The following GRAMD1B variants were observed in gnomAD, a reference collection of about 807,000 sequenced individuals.
The protein encoded by GRAMD1B is protein Aster-B.
In GRAMD1B, 37 loss-of-function variants were observed where a neutral mutation model predicts 99.7. That is an observed-to-expected ratio of 0.37 (90% CI 0.29 to 0.49). The LOEUF (loss-of-function observed/expected upper bound fraction) is 0.49, where lower values mean the gene tolerates loss of function less well. GRAMD1B is among the 20% of genes least tolerant of loss of function. GRAMD1B has a pLI of 0.98. For synonymous variants in GRAMD1B, 427 were observed against 387.6 expected (o/e 1.10, Z -1.19); for missense variants, 888 against 1,009.2 (o/e 0.88, Z 1.63).
In GRAMD1B at chr11:123,597,129, C is replaced by CTT. The variant is rs35382306; in HGVS notation, c.969+1108_969+1109dup. On this transcript the variant is annotated intron_variant, in intron 7 of 19. Transcript: ENST00000635736. ...AGGCCAATTCCAAAGAGTCCAACTC[C>CTT]TTTTTTTTTTTTTTTTTGAGATGGG... 8.0e-4 allele frequency among the ~76,000 whole-genome samples: 109 copies of CTT among 137,084 alleles called. 1 individual carries two copies. The East Asian group carries it at 0.016, about 21-fold the overall frequency. 89.9% of individuals were successfully genotyped at this position (137,084 alleles called of 152,430 possible). A position where few individuals can be genotyped will look rare whatever the true frequency, so the allele number is the denominator to read the frequency against.
chr11:123,359,092 GCTTC>G (rs1946051872), intron 1 of GRAMD1B, among the ~76,000 whole-genome samples: 1 of 152,074 alleles, frequency 6.6e-6, no homozygotes, highest in Non-Finnish European at 1.5e-5. Context: ...GGCGGAGCTG[GCTTC>G]CTTCTCCATT....
chr11:123,498,449 T>C (rs1565302081), intron 2 of GRAMD1B, among the ~76,000 whole-genome samples: 2 of 152,246 alleles, frequency 1.3e-5, no homozygotes, highest in Non-Finnish European at 2.9e-5. Flanking sequence ...ATTCAAGACT[T>C]TCTTTCCTGC....
At chr11:123,613,769 A>G (rs1005026167) in intron 16 of GRAMD1B, 111 bp downstream of exon 16, 1 of 730,712 alleles carries the variant, frequency 1.4e-6, no homozygotes, top group Non-Finnish European at 2.3e-6. Context: ...TATAATTTGT[A>G]TATAATTTGA....
At chr11:123,496,962 A>G (rs918880228) in intron 2 of GRAMD1B, among the ~76,000 whole-genome samples, 1 of 151,910 alleles carries the variant, frequency 6.6e-6, no homozygotes, top group East Asian at 1.9e-4. Flanking sequence ...TTGGTGCCTT[A>G]TTTAGTTTGT....
At chr11:123,447,278 A>T (rs1342504028) in intron 1 of GRAMD1B, among the ~76,000 whole-genome samples, 1 of 152,232 alleles carries the variant, frequency 6.6e-6, no homozygotes, top group Non-Finnish European at 1.5e-5. Context: ...TCATCCTGGT[A>T]GATGGGATTT....
chr11:123,458,233 C>T (rs1402419405), intron 1 of GRAMD1B: 1 of 152,248 alleles, frequency 6.6e-6, no homozygotes, highest in Non-Finnish European at 1.5e-5. Flanking sequence ...AGTCTGCAGG[C>T]CTCAGAACCA....
chr11:123,444,347 C>T (rs1040880583), intron 1 of GRAMD1B, among the ~76,000 whole-genome samples: 1 of 152,074 alleles, frequency 6.6e-6, no homozygotes, highest in African/African-American at 2.4e-5. Flanking sequence ...TCTGTTTTGG[C>T]CAGGCATGGT....
At chr11:123,466,712 T>C (rs1048257713) in intron 1 of GRAMD1B, among the ~76,000 whole-genome samples, 5 of 152,176 alleles carry the variant, frequency 3.3e-5, no homozygotes, top group Non-Finnish European at 5.9e-5. Flanking sequence ...GGAGGGAGGC[T>C]GGCCTTGAGG....
chr11:123,434,842 T>G (rs918838721), intron 1 of GRAMD1B, among the ~76,000 whole-genome samples: 1 of 152,218 alleles, frequency 6.6e-6, no homozygotes, highest in Non-Finnish European at 1.5e-5. Context: ...AACATTGGAC[T>G]TAATATCAGA....
In GRAMD1B at chr11:123,600,559, C is replaced by T. The variant is rs1951819619; in HGVS notation, c.1050+11C>T. On this transcript the variant is annotated intron_variant, in intron 8 of 19. Transcript: ENST00000635736. ...GCTCTCCTTGAAAAGGTAAGTACGG[C>T]CGAGTTTGCTTTTACTGTGGGACTG... is the stretch of plus-strand genomic sequence containing the variant. The T allele has an allele frequency of 1.3e-5, 21 of 1,590,198 alleles. No homozygotes were observed. The highest frequency in any genetic ancestry group is 1.8e-5 in the Non-Finnish European group (21 of 1,159,254).
intron 2 of GRAMD1B, among the ~76,000 whole-genome samples, chr11:123,498,429 G>A (rs751217075): frequency 1.3e-5 from 2 of 152,238 alleles, no homozygotes; most frequent in Non-Finnish European, 2.9e-5. Context: ...ACGGAGGGGA[G>A]GCGCTGGTGA....
chr11:123,526,970 T>C (rs1210990052), intron 2 of GRAMD1B, among the ~76,000 whole-genome samples: 1 of 152,228 alleles, frequency 6.6e-6, no homozygotes, highest in Non-Finnish European at 1.5e-5. Context: ...CAGATTTTGC[T>C]TGGAAAACTT....
intron 1 of GRAMD1B, among the ~76,000 whole-genome samples, chr11:123,395,003 G>T (rs886266377): frequency 6.6e-6 from 1 of 152,100 alleles, no homozygotes; most frequent in South Asian, 2.1e-4. Flanking sequence ...ACCTCTTAAG[G>T]TTCCCACTTT....
At chr11:123,579,160 G>C (rs1038802320) in intron 3 of GRAMD1B, among the ~76,000 whole-genome samples, 2 of 152,214 alleles carry the variant, frequency 1.3e-5, no homozygotes, top group African/African-American at 4.8e-5. Flanking sequence ...AGTCTTTCCC[G>C]GGAGCCCAGG....
At chr11:123,388,360 G>C (rs1329692881) in intron 1 of GRAMD1B, among the ~76,000 whole-genome samples, 1 of 151,822 alleles carries the variant, frequency 6.6e-6, no homozygotes, top group African/African-American at 2.4e-5. Context: ...ACATGAATGG[G>C]ATTAATTCCC....
intron 2 of GRAMD1B, among the ~76,000 whole-genome samples, chr11:123,525,348 C>T (rs1282974651): frequency 6.6e-6 from 1 of 152,160 alleles, no homozygotes; most frequent in Non-Finnish European, 1.5e-5. Context: ...ATGTCCCAGG[C>T]ACTCACCACG....
intron 4 of GRAMD1B, among the ~76,000 whole-genome samples, chr11:123,592,595 G>A (rs1950790931): frequency 6.6e-6 from 1 of 152,146 alleles, no homozygotes; most frequent in Non-Finnish European, 1.5e-5. Context: ...TTCAGTGTGT[G>A]GACTCTGTTC....
intron 1 of GRAMD1B, among the ~76,000 whole-genome samples, chr11:123,396,196 T>C (rs1227029273): frequency 6.7e-6 from 1 of 149,978 alleles, no homozygotes; most frequent in African/African-American, 2.5e-5. Context: ...TTTTCTTTTC[T>C]TTCCTTTTTT....
At position 123,626,114 on chromosome 11, in the gene GRAMD1B, A is replaced by G. The variant is rs754166331; in HGVS notation, c.*3519A>G. 7 of 152,218 alleles carry G rather than the reference A, an allele frequency of 4.6e-5. No individual in the cohort carries two copies. Among genetic ancestry groups the G allele is most frequent in the Admixed American group, 6.5e-5 (1 of 15,284 alleles). 9.4% of individuals were successfully genotyped at this position (152,218 alleles called of 1,614,324 possible). A position where few individuals can be genotyped will look rare whatever the true frequency, so the allele number is the denominator to read the frequency against. The stretch of plus-strand genomic sequence containing the variant: ...TTCTTTTCAATGGAGCTCATCTTCT[A>G]TCTCTAGGGTCTGTTCAGCCTTTCA... On this transcript the variant is annotated 3_prime_UTR_variant, in exon 20 of 20. Transcript: ENST00000635736.
Sources: allele counts gnomAD v4.1 joint callset (sites outside exome capture counted in the v4.1 genomes callset), GRCh38; gene constraint gnomAD v4.1.1; transcripts MANE v1.5; gene names NCBI Gene and HGNC (gene_info 2026-07-23, HGNC 2026-07-21).